EPM2A: variants seen among roughly 807,000 people sequenced by gnomAD.
The protein encoded by EPM2A is laforin.
A neutral mutation model predicts 26.5 loss-of-function variants in EPM2A; 21 were observed. That is an observed-to-expected ratio of 0.79 (90% CI 0.56 to 1.14). The LOEUF is 1.14. Among genes scored for constraint, EPM2A ranks in the 50% most tolerant of loss-of-function variants. The pLI is 0.00. For synonymous variants in EPM2A, 217 were observed against 177.6 expected (o/e 1.22, Z -1.76); for missense variants, 458 against 440.8 (o/e 1.04, Z -0.35).
Position 145,635,277 on chromosome 6 carries a change from A to G in EPM2A, c.686T>C (p.Ile229Thr). The change falls in exon 3 of 4, where the codon ATC (isoleucine) becomes ACC (threonine). Residue 229 changes from isoleucine (I) to threonine (T), a missense_variant. By Grantham distance (89) the Ile-to-Thr change is moderately conservative. Transcript: ENST00000367519. ...GCTCATATCTGGTGTTGGCATCCAG[A>G]TGTAGGCCAAGCCTTCTTCCCTATA... ...KLYREEGLAY[I>T]WMPTPDMSTE... The G allele has an allele frequency of 6.2e-7, 1 of 1,614,178 alleles. No individual in the cohort carries two copies. The highest frequency in any genetic ancestry group is 8.5e-7 in the Non-Finnish European group (1 of 1,180,020).
chr6:145,441,219 A>G (rs1239519474), intron 4 of EPM2A, among the ~76,000 whole-genome samples: 1 of 152,188 alleles, frequency 6.6e-6, no homozygotes, highest in Non-Finnish European at 1.5e-5. Flanking sequence ...GCACCCTCTG[A>G]AGCCATGGCC....
intron 2 of EPM2A, among the ~76,000 whole-genome samples, chr6:145,669,246 C>T (rs539022002): frequency 2.7e-4 from 41 of 152,252 alleles, no homozygotes; most frequent in African/African-American, 9.6e-4. Context: ...AGTCTGTGAA[C>T]AGAAAAGTTA....
chr6:145,680,461 T>A (rs1341582291), intron 2 of EPM2A, among the ~76,000 whole-genome samples: 1 of 151,992 alleles, frequency 6.6e-6, no homozygotes, highest in Non-Finnish European at 1.5e-5. Flanking sequence ...TACATATGTA[T>A]ACATGTGCCA....
chr6:145,480,017 T>C (rs1041069139), intron 4 of EPM2A, among the ~76,000 whole-genome samples: 1 of 152,102 alleles, frequency 6.6e-6, no homozygotes, highest in Non-Finnish European at 1.5e-5. Context: ...TTAGTATTGC[T>C]CAGCATCTTT....
intron 2 of EPM2A, among the ~76,000 whole-genome samples, chr6:145,599,938 A>T (rs2128549801): frequency 6.6e-6 from 1 of 152,214 alleles, no homozygotes; most frequent in Non-Finnish European, 1.5e-5. Flanking sequence ...TTTCTTTGGC[A>T]GATTAATTTC....
chr6:145,436,962 G>T (rs1349929896), intron 4 of EPM2A, among the ~76,000 whole-genome samples: 2 of 151,668 alleles, frequency 1.3e-5, no homozygotes, highest in African/African-American at 2.4e-5. Flanking sequence ...TAATTATTCA[G>T]TTCCTTGGGT....
intron 2 of EPM2A, among the ~76,000 whole-genome samples, chr6:145,541,256 T>TA: frequency 6.6e-6 from 1 of 150,972 alleles, no homozygotes; most frequent in East Asian, 1.9e-4. Flanking sequence ...TACATACATA[T>TA]ATAATTATAT....
chr6:145,489,729 T>A, intron 4 of EPM2A: 1 of 1,460,362 alleles, frequency 6.8e-7, no homozygotes, highest in Admixed American at 1.7e-5. Flanking sequence ...ATCTTCGTGA[T>A]CTTCCCTGGC....
At chr6:145,539,675 C>A (rs1780480963) in intron 2 of EPM2A, among the ~76,000 whole-genome samples, 1 of 152,166 alleles carries the variant, frequency 6.6e-6, no homozygotes, top group Non-Finnish European at 1.5e-5. Flanking sequence ...GTTTTGGTCC[C>A]AGTCCAAAGA....
At chr6:145,584,060 A>T (rs1022682943) in intron 2 of EPM2A, among the ~76,000 whole-genome samples, 1 of 152,192 alleles carries the variant, frequency 6.6e-6, no homozygotes, top group Non-Finnish European at 1.5e-5. Flanking sequence ...CAGTGGTACC[A>T]TGGGCTATCT....
intron 2 of EPM2A, among the ~76,000 whole-genome samples, chr6:145,617,814 C>T (rs1168634879): frequency 6.6e-6 from 1 of 152,052 alleles, no homozygotes; most frequent in African/African-American, 2.4e-5. Context: ...TGATGGCAAA[C>T]ACCGGTAGTC....
chr6:145,560,242 G>A (rs961903512), intron 2 of EPM2A, among the ~76,000 whole-genome samples: 5 of 152,016 alleles, frequency 3.3e-5, no homozygotes, highest in Non-Finnish European at 7.4e-5. Context: ...CACCAATTTT[G>A]AATCTTTTCG....
At chr6:145,564,194 A>G (rs1780848280) in intron 2 of EPM2A, among the ~76,000 whole-genome samples, 2 of 152,260 alleles carry the variant, frequency 1.3e-5, no homozygotes, top group African/African-American at 4.8e-5. Context: ...GATTGAATCC[A>G]TGAATGTGTA....
At chr6:145,450,694 T>C (rs1000685699) in intron 4 of EPM2A, among the ~76,000 whole-genome samples, 1 of 152,200 alleles carries the variant, frequency 6.6e-6, no homozygotes, top group Non-Finnish European at 1.5e-5. Flanking sequence ...GCAGATGCTT[T>C]ATTCTGCGTG....
chr6:145,560,243 A>G (rs972908207), intron 2 of EPM2A, among the ~76,000 whole-genome samples: 2 of 152,142 alleles, frequency 1.3e-5, no homozygotes, highest in South Asian at 2.1e-4. Flanking sequence ...ACCAATTTTG[A>G]ATCTTTTCGA....
intron 2 of EPM2A, among the ~76,000 whole-genome samples, chr6:145,660,618 A>G (rs1778623815): frequency 6.6e-6 from 1 of 152,152 alleles, no homozygotes; most frequent in South Asian, 2.1e-4. Flanking sequence ...CCTGGCCAAC[A>G]TGATGAAACC....
At chr6:145,643,070 A>C (rs544808230) in intron 2 of EPM2A, among the ~76,000 whole-genome samples, 2 of 152,290 alleles carry the variant, frequency 1.3e-5, no homozygotes, top group South Asian at 4.1e-4. Context: ...GTACAGATAG[A>C]GAGAAGTGGA....
intron 4 of EPM2A, among the ~76,000 whole-genome samples, chr6:145,387,667 T>G (rs1259943152): frequency 6.6e-6 from 1 of 152,166 alleles, no homozygotes; most frequent in Non-Finnish European, 1.5e-5. Flanking sequence ...GAAAGACATT[T>G]GCTTTCATAG....
At chr6:145,717,447 A>G (rs1382201557) in intron 1 of EPM2A, among the ~76,000 whole-genome samples, 2 of 152,182 alleles carry the variant, frequency 1.3e-5, no homozygotes, top group African/African-American at 2.4e-5. Flanking sequence ...TCAATAAATT[A>G]GGTATTGATG....
Sources: gnomAD v4.1 joint callset for allele counts (sites outside exome capture counted in the v4.1 genomes callset) on GRCh38, gnomAD v4.1.1 for gene constraint, MANE v1.5 for transcripts, NCBI Gene and HGNC (gene_info 2026-07-23, HGNC 2026-07-21) for gene names.